Variants in RANBP3L observed in about 807,000 individuals in gnomAD.
RANBP3L encodes ran-binding protein 3-like.
RANBP3L carries 56 observed loss-of-function variants against 67.2 expected under a neutral mutation model. The ratio of observed to expected loss-of-function variants is 0.83; its 90% CI spans 0.67 to 1.04. The LOEUF (loss-of-function observed/expected upper bound fraction) is 1.04. RANBP3L is among the 50% of genes least tolerant of loss of function. The pLI is 0.00. For synonymous variants in RANBP3L, 164 were observed against 181.4 expected (o/e 0.90, Z 0.77); for missense variants, 496 against 535.5 (o/e 0.93, Z 0.73).
chr5:36,283,250 G>T (rs1321288943), intron 1 of RANBP3L, among the ~76,000 whole-genome samples: 2 of 151,834 alleles, frequency 1.3e-5, no homozygotes, highest in African/African-American at 4.8e-5. Flanking sequence ...TAGAGATGGG[G>T]TTTCAACATG....
intron 1 of RANBP3L, among the ~76,000 whole-genome samples, chr5:36,295,953 G>A (rs566959280): frequency 6.6e-6 from 1 of 152,096 alleles, no homozygotes; most frequent in East Asian, 1.9e-4. Context: ...CAGTCATATG[G>A]CCAATTATTT....
At position 36,301,404 on chromosome 5, in the gene RANBP3L, G is replaced by C. The variant is rs555708030; in HGVS notation, c.13C>G (p.Pro5Ala). Reference sequence around the variant, plus strand: ...GGCAGGTGGCTGCTGCCTTTTCTTGGTATGGTAGTCATGGTCCTAGCAGTA... The same window carrying C: ...GGCAGGTGGCTGCTGCCTTTTCTTGCTATGGTAGTCATGGTCCTAGCAGTA... MTTIPRKGSSHLPGS... is the reference protein window; with the variant it reads MTTIARKGSSHLPGS... Residue 5 changes from proline (P) to alanine (A), a missense_variant, in exon 1 of 14, where the codon CCA becomes GCA. Physicochemically the swap from Pro to Ala is conservative, Grantham distance 27. Transcript: ENST00000296604. The C allele has an allele frequency of 1.2e-6, 2 of 1,613,296 alleles. No homozygotes were observed. The highest frequency in any genetic ancestry group is 2.2e-5 in the South Asian group (2 of 91,062).
chr5:36,269,466 T>C lies in RANBP3L; in HGVS notation c.192A>G (p.Glu64=). 6.6e-7 allele frequency: 1 copy of C among 1,513,114 alleles called. No individual in the cohort carries two copies. The allele number at this position is 1,513,114 out of a possible 1,614,324, so 93.7% of individuals were successfully genotyped here. A position where few individuals can be genotyped will look rare whatever the true frequency, so the allele number is the denominator to read the frequency against. ...CACGCTTTGTTGGAAAACCATTACA[T>C]TCTGCAAGAAAAGCAATGGAAAGGC... is the stretch of plus-strand genomic sequence containing the variant. ...EDTLYEAAEP[E]CNGFPTKRVR... The change falls in exon 4 of 14, where the codon GAA becomes GAG. Residue 64 remains glutamate, a splice_region_variant and synonymous_variant. Transcript: ENST00000296604.
chr5:36,280,785 A>G (rs1016246717), intron 1 of RANBP3L, among the ~76,000 whole-genome samples: 2 of 151,970 alleles, frequency 1.3e-5, no homozygotes, highest in African/African-American at 4.8e-5. Context: ...ATATTTTACT[A>G]TTGTTTTAGT....
chr5:36,265,044 T>G lies in RANBP3L; in HGVS notation c.395A>C (p.Gln132Pro). Reference sequence around the variant, plus strand: ...TCTTACTTTTGCACAACTTCGAGCTTGAGGTAGCTGCAAAATAGCAGGTCT... The same window carrying G: ...TCTTACTTTTGCACAACTTCGAGCTGGAGGTAGCTGCAAAATAGCAGGTCT... Reference protein sequence around the residue: ...VIRPAILQLPQARSCAKVRKT... With the variant: ...VIRPAILQLPPARSCAKVRKT... The change falls in exon 6 of 14, where the codon CAA becomes CCA. Residue 132 changes from glutamine to proline, a missense_variant. Coordinates refer to ENST00000296604, the MANE Select transcript of RANBP3L (RefSeq NM_145000.5). 1 of 1,613,222 alleles carries G rather than the reference T, an allele frequency of 6.2e-7. No individual in the cohort carries two copies. Among genetic ancestry groups the G allele is most frequent in the Middle Eastern group, 1.7e-4 (1 of 6,060 alleles).
At chr5:36,275,500 G>GA (rs1425076368) in intron 1 of RANBP3L, among the ~76,000 whole-genome samples, 1 of 152,114 alleles carries the variant, frequency 6.6e-6, no homozygotes, top group African/African-American at 2.4e-5. Context: ...CTATGCTAAG[G>GA]AAAAATCAGT....
chr5:36,251,231 T>TA (rs1561090409), intron 13 of RANBP3L, 82 bp downstream of exon 13: 11 of 1,194,940 alleles, frequency 9.2e-6, no homozygotes, highest in Non-Finnish European at 1.2e-5. Flanking sequence ...TTCCACTTGT[T>TA]AAAAAATCTA....
chr5:36,270,039 T>C lies in RANBP3L; in HGVS notation c.151-49A>G, dbSNP rs752751212. ...GGAGAGCTGAGTATTTGCCTTTGTA[T>C]TATGTTGGTGCAAAAGTTATTGCAG... On this transcript the variant is annotated intron_variant, in intron 2 of 13. Transcript: ENST00000296604. 5 of 1,541,540 alleles carry C rather than the reference T, an allele frequency of 3.2e-6. No individual in the cohort carries two copies. The Admixed American group carries it at 6.8e-5, about 21-fold the overall frequency.
At position 36,253,639 on chromosome 5, in the gene RANBP3L, TC is replaced by T. The variant is rs1389383491; in HGVS notation, c.1167+7del. 6.3e-7 allele frequency: 1 copy of T among 1,586,998 alleles called. No individual in the cohort carries two copies. Among genetic ancestry groups the T allele is most frequent in the Non-Finnish European group, 8.6e-7 (1 of 1,156,626 alleles). ...GATAATCTTCTATCACTGAAATTTC[TC>T]CCTTACCTGAATTAAAAATATTTTG... On this transcript the variant is annotated splice_region_variant and intron_variant, in intron 12 of 13. Coordinates refer to ENST00000296604, the MANE Select transcript of RANBP3L (RefSeq NM_145000.5).
At position 36,286,995 on chromosome 5, in the gene RANBP3L, C is replaced by T. The variant is rs548545136; in HGVS notation, c.91+14331G>A. Among the ~76,000 whole-genome samples the T allele has an allele frequency of 2.4e-3, 371 of 152,228 alleles. 1 individual carries two copies. The highest frequency in any genetic ancestry group is 8.5e-3 in the African/African-American group (352 of 41,524). ...CATTATTATCATTTACACCATTGAG[C>T]CCCAACCTTTTGGCCCATGGGACTG... On this transcript the variant is annotated intron_variant, in intron 1 of 13. Coordinates refer to ENST00000296604, the MANE Select transcript of RANBP3L (RefSeq NM_145000.5).
intron 1 of RANBP3L, among the ~76,000 whole-genome samples, chr5:36,295,981 T>C (rs1752188724): frequency 6.6e-6 from 1 of 152,124 alleles, no homozygotes; most frequent in Admixed American, 6.6e-5. Context: ...CATGCCTACA[T>C]AATGAAACCT....
intron 1 of RANBP3L, among the ~76,000 whole-genome samples, chr5:36,276,490 AG>A (rs1307309513): frequency 1.7e-5 from 2 of 115,812 alleles, no homozygotes; most frequent in South Asian, 2.2e-4. Flanking sequence ...AGGTATGTAT[AG>A]GGGAAAAAAA....
At chr5:36,282,891 GGCAGATGGTTCT>G (rs1751067098) in intron 1 of RANBP3L, among the ~76,000 whole-genome samples, 1 of 152,120 alleles carries the variant, frequency 6.6e-6, no homozygotes, top group Admixed American at 6.5e-5. Flanking sequence ...TGATGCCTGT[GGCAGATGGTTCT>G]GCAGTGATAT....
At chr5:36,256,754 C>T (rs940632079) in intron 10 of RANBP3L, 187 bp downstream of exon 10, 1 of 572,956 alleles carries the variant, frequency 1.7e-6, no homozygotes. Flanking sequence ...GCCAGGTACA[C>T]ATACAAACAC....
chr5:36,255,522 C>T lies in RANBP3L; in HGVS notation c.972G>A (p.Leu324=). Residue 324 remains leucine, a synonymous_variant, in exon 11 of 14, where the codon TTG becomes TTA. Coordinates refer to ENST00000296604, the MANE Select transcript of RANBP3L (RefSeq NM_145000.5). ...QSWIERGRGT[L]RLNDTASTDC... ...CAGTGCTTGCTGTGTCATTCAGTCT[C>T]AACGTTCCTCTGCCCCTTTCAATCC... 6.2e-7 allele frequency: 1 copy of T among 1,612,012 alleles called. No individual in the cohort carries two copies. Among genetic ancestry groups the T allele is most frequent in the Non-Finnish European group, 8.5e-7 (1 of 1,178,366 alleles).
chr5:36,293,475 G>A (rs1350195124), intron 1 of RANBP3L, among the ~76,000 whole-genome samples: 1 of 151,922 alleles, frequency 6.6e-6, no homozygotes, highest in African/African-American at 2.4e-5. Context: ...TCCCTGTCTT[G>A]TGCCAGTCTT....
chr5:36,268,760 G>A (rs1418877040), intron 4 of RANBP3L, among the ~76,000 whole-genome samples: 1 of 151,424 alleles, frequency 6.6e-6, no homozygotes, highest in Non-Finnish European at 1.5e-5. Context: ...CCCACCTGGA[G>A]TGCGGTGGAG....
Position 36,271,296 on chromosome 5 carries a change from GC to G in RANBP3L, c.106del (p.Ala36LeufsTer55). The G allele has an allele frequency of 6.3e-7, 1 of 1,585,144 alleles. No homozygotes were observed. The highest frequency in any genetic ancestry group is 1.1e-5 in the South Asian group (1 of 89,690). ...CTTTTCAAAAACAAATATGGGTTGA[GC>G]AATGACAGATTTTTCTGTGAAAAAA... Reference protein sequence around the residue: ...DRRQQEKSVIAQPIFVFEKGE... With the variant: ...DRRQQEKSVIXQPIFVFEKGE... On this transcript the variant is annotated frameshift_variant, in exon 2 of 14. Transcript: ENST00000296604. LOFTEE classifies it high-confidence loss of function.
At position 36,267,037 on chromosome 5, in the gene RANBP3L, A is replaced by T. The variant is rs116082837; in HGVS notation, c.269-1517T>A. On this transcript the variant is annotated intron_variant, in intron 4 of 13. Transcript: ENST00000296604. ...CTCTCAAAGTGCTGATATTACAGGC[A>T]TGAGCCAACACGCCCAGCCAGGATC... Among the ~76,000 whole-genome samples, 875 of 152,278 alleles carry T rather than the reference A, an allele frequency of 5.7e-3. 9 individuals are homozygous for T. The highest frequency in any genetic ancestry group is 0.02 in the African/African-American group (844 of 41,560).
Sources: allele counts gnomAD v4.1 joint callset (sites outside exome capture counted in the v4.1 genomes callset), GRCh38; gene constraint gnomAD v4.1.1; transcripts MANE v1.5; gene names NCBI Gene and HGNC (gene_info 2026-07-23, HGNC 2026-07-21).